Variants in RIN2 observed in about 807,000 individuals in gnomAD.
The protein encoded by RIN2 is RAB5 interacting protein 2.
A neutral mutation model predicts 78.0 loss-of-function variants in RIN2; 36 were observed. The ratio of observed to expected loss-of-function variants is 0.46; its 90% CI spans 0.35 to 0.61. The LOEUF (loss-of-function observed/expected upper bound fraction) is 0.61, where lower values mean the gene tolerates loss of function less well. RIN2 is among the 20% of genes least tolerant of loss of function. The pLI is 0.00. For synonymous variants in RIN2, 466 were observed against 466.8 expected, an observed-to-expected ratio of 1.00 and a Z score of 0.02; for missense variants, 1,087 against 1,159.7, an observed-to-expected ratio of 0.94 and a Z score of 0.91.
intron 3 of RIN2, among the ~76,000 whole-genome samples, chr20:19,918,108 T>A (rs184328310): frequency 6.6e-6 from 1 of 152,092 alleles, no homozygotes; most frequent in East Asian, 1.9e-4. Context: ...GGGAAGTGAA[T>A]GTGACTGTGA....
intron 1 of RIN2, among the ~76,000 whole-genome samples, chr20:19,767,057 G>A (rs538349290): frequency 3.9e-5 from 6 of 152,282 alleles, no homozygotes; most frequent in African/African-American, 9.6e-5. Flanking sequence ...AGAAAAGGCA[G>A]GTTAATTGGG....
chr20:19,842,987 G>T (rs1045854728), intron 2 of RIN2, among the ~76,000 whole-genome samples: 1 of 152,046 alleles, frequency 6.6e-6, no homozygotes, highest in African/African-American at 2.4e-5. Flanking sequence ...GATTTTGAGG[G>T]ACTCAAGACT....
At chr20:19,784,704 C>G (rs1393080436) in intron 1 of RIN2, among the ~76,000 whole-genome samples, 1 of 152,108 alleles carries the variant, frequency 6.6e-6, no homozygotes, top group Non-Finnish European at 1.5e-5. Flanking sequence ...GGCTCCGGAG[C>G]CCGCCCCTGT....
rs200033184 is a variant in RIN2 at position 19,965,612 on chromosome 20, G to GT, written c.536+594dup. ...ATGTTAAGTCCAAAATCAGTTTTTT[G>GT]TTTTTTGTTTTCTTTTTGAGATGAA... On this transcript the variant is annotated intron_variant, in intron 7 of 12. Coordinates refer to ENST00000255006, the MANE Select transcript of RIN2 (RefSeq NM_018993.4). 9.0e-3 allele frequency among the ~76,000 whole-genome samples: 1,369 copies of GT among 152,140 alleles called. 26 individuals carry two copies. The highest frequency in any genetic ancestry group is 0.032 in the African/African-American group (1,314 of 41,510).
At chr20:19,831,707 G>A (rs2036256671) in intron 2 of RIN2, among the ~76,000 whole-genome samples, 1 of 152,104 alleles carries the variant, frequency 6.6e-6, no homozygotes, top group African/African-American at 2.4e-5. Flanking sequence ...CGTTGAGCAG[G>A]TACAATGAGC....
intron 2 of RIN2, among the ~76,000 whole-genome samples, chr20:19,869,818 T>TGA (rs2037631055): frequency 6.6e-6 from 1 of 150,420 alleles, no homozygotes; most frequent in African/African-American, 2.4e-5. Context: ...ATTTATTTAT[T>TGA]TATTTATTTA....
At position 20,002,327 on chromosome 20, in the gene RIN2, TTTTGTTGAACTAG is replaced by T. The variant is rs1476400291; in HGVS notation, c.*1392_*1404del. 1 of 152,656 alleles carries T rather than the reference TTTTGTTGAACTAG, an allele frequency of 6.6e-6. No homozygotes were observed. The highest frequency in any genetic ancestry group is 6.5e-5 in the Admixed American group (1 of 15,288). 9.5% of individuals were successfully genotyped at this position (152,656 alleles called of 1,614,324 possible). ...ACCTTGTACCTTTTTTAGCCTTGGC[TTTTGTTGAACTAG>T]AACCCTCAGCACATACTGTGTTGTA... On this transcript the variant is annotated 3_prime_UTR_variant, in exon 13 of 13. Coordinates refer to ENST00000255006, the MANE Select transcript of RIN2 (RefSeq NM_018993.4).
At chr20:19,979,888 C>CA (rs1369355325) in intron 9 of RIN2, among the ~76,000 whole-genome samples, 2 of 151,488 alleles carry the variant, frequency 1.3e-5, no homozygotes, top group Admixed American at 6.6e-5. Flanking sequence ...ACTAAAAATA[C>CA]AAAAAAATTA....
At chr20:19,898,411 T>C (rs895574346) in intron 3 of RIN2, among the ~76,000 whole-genome samples, 2 of 152,234 alleles carry the variant, frequency 1.3e-5, no homozygotes, top group Admixed American at 6.5e-5. Context: ...ATTGTGTCAA[T>C]GTAAAATTTT....
intron 1 of RIN2, among the ~76,000 whole-genome samples, chr20:19,783,613 C>A (rs892618291): frequency 1.3e-5 from 2 of 152,022 alleles, no homozygotes; most frequent in Non-Finnish European, 2.9e-5. Flanking sequence ...GATTAGAATG[C>A]AAGTAGTTGA....
intron 4 of RIN2, among the ~76,000 whole-genome samples, chr20:19,935,825 G>A (rs1053152140): frequency 2.6e-5 from 4 of 151,812 alleles, no homozygotes; most frequent in Admixed American, 2.6e-4. Context: ...GGGGTGGTGG[G>A]AAGTTGAAGG....
intron 2 of RIN2, among the ~76,000 whole-genome samples, chr20:19,837,169 A>AACACACACACACAC (rs142399537): frequency 6.4e-5 from 9 of 140,132 alleles, no homozygotes; most frequent in African/African-American, 2.4e-4. Flanking sequence ...CGCCCCCCCC[A>AACACACACACACAC]ACACACACAC....
intron 11 of RIN2, among the ~76,000 whole-genome samples, chr20:19,994,637 C>T (rs1197105294): frequency 6.6e-6 from 1 of 152,178 alleles, no homozygotes; most frequent in Non-Finnish European, 1.5e-5. Flanking sequence ...CCCCCTCCAC[C>T]CCCACAAAGA....
At chr20:19,985,496 T>C (rs2042593074) in intron 9 of RIN2, among the ~76,000 whole-genome samples, 1 of 152,254 alleles carries the variant, frequency 6.6e-6, no homozygotes, top group African/African-American at 2.4e-5. Flanking sequence ...TTTGATCATT[T>C]AGAAACATTT....
chr20:19,981,722 C>G (rs143767176), intron 9 of RIN2, among the ~76,000 whole-genome samples: 242 of 152,328 alleles, frequency 1.6e-3, no homozygotes, highest in African/African-American at 5.7e-3. Context: ...TGCTTGTTAT[C>G]CTTATTTCGG....
chr20:19,781,513 C>T (rs773359994), intron 1 of RIN2, among the ~76,000 whole-genome samples: 45 of 152,152 alleles, frequency 3.0e-4, no homozygotes, highest in Admixed American at 2.0e-3. Context: ...CTGCAACCCC[C>T]GTCTTCTGGG....
intron 1 of RIN2, among the ~76,000 whole-genome samples, chr20:19,778,155 A>G (rs1408429786): frequency 3.3e-5 from 5 of 152,248 alleles, no homozygotes; most frequent in Non-Finnish European, 2.9e-5. Flanking sequence ...TAAATTGCCT[A>G]CATGCATAGG....
intron 2 of RIN2, among the ~76,000 whole-genome samples, chr20:19,861,372 C>A (rs1568551461): frequency 6.6e-6 from 1 of 152,196 alleles, no homozygotes; most frequent in Admixed American, 6.5e-5. Context: ...GACAAAGATT[C>A]TTGGCTTGAC....
chr20:19,840,310 C>T (rs2036542991), intron 2 of RIN2, among the ~76,000 whole-genome samples: 1 of 152,148 alleles, frequency 6.6e-6, no homozygotes, highest in African/African-American at 2.4e-5. Flanking sequence ...CTTGGTAAGA[C>T]AGTGGCCACG....
Sources: gnomAD v4.1 joint callset for allele counts (sites outside exome capture counted in the v4.1 genomes callset) on GRCh38, gnomAD v4.1.1 for gene constraint, MANE v1.5 for transcripts, NCBI Gene and HGNC (gene_info 2026-07-23, HGNC 2026-07-21) for gene names.